Variants in SCAI observed in about 807,000 individuals in gnomAD.
SCAI encodes suppressor of cancer cell invasion, also known as protein SCAI.
In SCAI, 24 loss-of-function variants were observed where a neutral mutation model predicts 92.2. The observed-to-expected ratio is 0.26, with a 90% CI of 0.19 to 0.37. The LOEUF (loss-of-function observed/expected upper bound fraction) is 0.37, where lower values mean the gene tolerates loss of function less well. Among genes scored for constraint, SCAI ranks in the 10% least tolerant of loss-of-function variants. The pLI is 1.00. For synonymous variants in SCAI, 261 were observed against 258.6 expected, an observed-to-expected ratio of 1.01 and a Z score of -0.09; for missense variants, 450 against 736.2, an observed-to-expected ratio of 0.61 and a Z score of 4.50.
At chr9:125,019,901 C>T (rs1385042844) in intron 7 of SCAI, among the ~76,000 whole-genome samples, 1 of 151,704 alleles carries the variant, frequency 6.6e-6, no homozygotes, top group Non-Finnish European at 1.5e-5. Flanking sequence ...TGGTGAAACC[C>T]TGTCTCTACA....
At chr9:125,097,154 T>C (rs10739660) in intron 2 of SCAI, among the ~76,000 whole-genome samples, 71,578 of 152,050 alleles carry the variant, frequency 0.47, 17,420 homozygotes, top group East Asian at 0.61. Flanking sequence ...AAAAATTAGC[T>C]GGGCGCGGTG....
intron 17 of SCAI, among the ~76,000 whole-genome samples, chr9:124,964,602 T>C (rs1831503390): frequency 1.3e-5 from 2 of 152,176 alleles, no homozygotes; most frequent in Non-Finnish European, 2.9e-5. Flanking sequence ...TAAAGGTCCT[T>C]AGGACCCCCC....
In SCAI at chr9:124,953,008, T is replaced by C. The variant is rs1416457378; in HGVS notation, c.1675-55A>G. ...TTTGTAGTCTAATGAAAGAAAATTA[T>C]ACACATTGATAACAGTGTCAAGGAG... On this transcript the variant is annotated intron_variant, in intron 17 of 17. Transcript: ENST00000336505. The C allele has an allele frequency of 8.6e-6, 12 of 1,398,964 alleles. No homozygotes were observed. In the Middle Eastern group the frequency reaches 7.0e-4, roughly 82 times the overall value. 86.7% of individuals were successfully genotyped at this position (1,398,964 alleles called of 1,614,324 possible). A position where few individuals can be genotyped will look rare whatever the true frequency, so the allele number is the denominator to read the frequency against.
intron 5 of SCAI, 70 bp from the exon 6 acceptor site, chr9:125,026,980 A>T: frequency 1.1e-6 from 1 of 880,968 alleles, no homozygotes; most frequent in Non-Finnish European, 1.8e-6. Flanking sequence ...TACTTGTTCT[A>T]TATACCGCTG....
chr9:125,107,407 C>CA (rs80318027), intron 2 of SCAI, among the ~76,000 whole-genome samples: 848 of 72,530 alleles, frequency 0.012, 3 homozygotes, highest in African/African-American at 0.015. Context: ...GACACTGTCT[C>CA]AAAAAAAAAA....
chr9:125,126,567 G>GTGT lies in SCAI; in HGVS notation c.98+16065_98+16066insACA, dbSNP rs1835283082. 4.0e-4 allele frequency among the ~76,000 whole-genome samples: 51 copies of GTGT among 128,584 alleles called. 1 individual carries two copies. Among genetic ancestry groups the GTGT allele is most frequent in the African/African-American group, 1.4e-3 (47 of 34,662 alleles). The allele number at this position is 128,584 out of a possible 152,430, so 84.4% of individuals were successfully genotyped here. A position where few individuals can be genotyped will look rare whatever the true frequency, so the allele number is the denominator to read the frequency against. On this transcript the variant is annotated intron_variant, in intron 2 of 17. Transcript: ENST00000336505. The stretch of plus-strand genomic sequence containing the variant: ...AAAGTGAGGTGGGTGGGTGGGTGTG[G>GTGT]GTGTGTGTGTGTGTGTGTGTGTGAG...
chr9:125,040,629 T>C (rs985844995), intron 3 of SCAI, among the ~76,000 whole-genome samples: 5 of 151,972 alleles, frequency 3.3e-5, no homozygotes, highest in African/African-American at 9.7e-5. Context: ...GTTTTGTTTA[T>C]TTATTTATTT....
At chr9:125,036,336 A>G (rs1833196581) in intron 3 of SCAI, among the ~76,000 whole-genome samples, 1 of 152,198 alleles carries the variant, frequency 6.6e-6, no homozygotes, top group African/African-American at 2.4e-5. Flanking sequence ...TCTATGGGGC[A>G]GGGAAAAGAG....
At chr9:125,110,171 GA>G (rs1341232099) in intron 2 of SCAI, among the ~76,000 whole-genome samples, 1 of 152,106 alleles carries the variant, frequency 6.6e-6, no homozygotes, top group Non-Finnish European at 1.5e-5. Context: ...TTTAAGATTG[GA>G]AAGTTTATTC....
chr9:125,067,095 A>AT (rs1833888453), intron 2 of SCAI, among the ~76,000 whole-genome samples: 2 of 152,214 alleles, frequency 1.3e-5, no homozygotes, highest in Non-Finnish European at 2.9e-5. Flanking sequence ...ATGTGGGCAG[A>AT]CTGGAAATCC....
chr9:125,129,253 T>C (rs1835345281), intron 2 of SCAI, among the ~76,000 whole-genome samples: 1 of 150,618 alleles, frequency 6.6e-6, no homozygotes, highest in Non-Finnish European at 1.5e-5. Flanking sequence ...CCAGCCTGGT[T>C]AACATGGTGA....
intron 3 of SCAI, among the ~76,000 whole-genome samples, chr9:125,050,409 C>T (rs192958743): frequency 1.4e-4 from 22 of 152,252 alleles, no homozygotes; most frequent in Non-Finnish European, 2.6e-4. Flanking sequence ...ATTAACAAAA[C>T]TCAAAGATCT....
At chr9:125,019,670 C>T (rs1002412564) in intron 7 of SCAI, among the ~76,000 whole-genome samples, 2 of 152,012 alleles carry the variant, frequency 1.3e-5, no homozygotes, top group African/African-American at 4.8e-5. Context: ...TACTTCCTGA[C>T]TTTATTTGGA....
chr9:125,061,809 A>C (rs922752723), intron 2 of SCAI, among the ~76,000 whole-genome samples: 1 of 152,078 alleles, frequency 6.6e-6, no homozygotes, highest in African/African-American at 2.4e-5. Context: ...AAAAATATAT[A>C]TGGAATTCAT....
chr9:125,093,375 C>A lies in SCAI; in HGVS notation c.99-37368G>T, dbSNP rs769380544. 3.4e-4 allele frequency among the ~76,000 whole-genome samples: 51 copies of A among 151,904 alleles called. 1 individual carries two copies. Among genetic ancestry groups the A allele is most frequent in the Middle Eastern group, 3.4e-3 (1 of 292 alleles). ...AACTCCATCTCAAAAATAAAAAAAT[C>A]ATTTCCTCCTCTTACTTCACAGGCT... On this transcript the variant is annotated intron_variant, in intron 2 of 17. Transcript: ENST00000336505.
At chr9:125,072,679 A>G (rs552784422) in intron 2 of SCAI, among the ~76,000 whole-genome samples, 14 of 152,150 alleles carry the variant, frequency 9.2e-5, no homozygotes, top group Admixed American at 7.9e-4. Flanking sequence ...CCACTACTTA[A>G]TAACTCCCCC....
chr9:125,058,185 A>T (rs1833708837), intron 2 of SCAI, among the ~76,000 whole-genome samples: 1 of 152,092 alleles, frequency 6.6e-6, no homozygotes, highest in Non-Finnish European at 1.5e-5. Context: ...GGGAGATGCA[A>T]ATATGGAAAT....
chr9:125,139,731 G>A (rs968712467), intron 2 of SCAI, among the ~76,000 whole-genome samples: 1 of 152,196 alleles, frequency 6.6e-6, no homozygotes, highest in Non-Finnish European at 1.5e-5. Context: ...TCCTAAGCAT[G>A]AGAATTACAA....
intron 2 of SCAI, among the ~76,000 whole-genome samples, chr9:125,129,454 CTTTTT>C (rs1171739834): frequency 3.6e-4 from 24 of 67,570 alleles, no homozygotes; most frequent in African/African-American, 4.0e-4. Context: ...ATTAGAATTT[CTTTTT>C]TTTTTTTTTT....
Sources: gnomAD v4.1 joint callset for allele counts (sites outside exome capture counted in the v4.1 genomes callset) on GRCh38, gnomAD v4.1.1 for gene constraint, MANE v1.5 for transcripts, NCBI Gene and HGNC (gene_info 2026-07-23, HGNC 2026-07-21) for gene names.